Variants in ATP8B1 observed in about 807,000 individuals in gnomAD.
ATP8B1 encodes ATPase phospholipid transporting 8B1, also known as phospholipid-transporting ATPase IC.
Under a neutral mutation model 149.9 loss-of-function variants are expected in ATP8B1, and 80 were observed. That is an observed-to-expected ratio of 0.53 (90% CI 0.45 to 0.64). ATP8B1 has a LOEUF of 0.64. Among genes scored for constraint, ATP8B1 ranks in the 30% least tolerant of loss-of-function variants. ATP8B1 has a pLI of 0.00. For missense variants in ATP8B1, 1,247 were observed against 1,552.6 expected (o/e 0.80, Z 3.31); for synonymous variants, 536 against 562.8 (o/e 0.95, Z 0.67).
intron 1 of ATP8B1, chr18:57,737,785 C>T (rs1266325481): frequency 6.6e-6 from 1 of 152,204 alleles, no homozygotes; most frequent in African/African-American, 2.4e-5. Flanking sequence ...AAGACTGTCT[C>T]CAGCCCTTTG....
intron 13 of ATP8B1, among the ~76,000 whole-genome samples, chr18:57,686,707 C>T (rs1912268784): frequency 6.6e-6 from 1 of 152,168 alleles, no homozygotes; most frequent in South Asian, 2.1e-4. Context: ...GCATGAGCCA[C>T]TGTGCCCGGC....
chr18:57,760,962 C>A (rs2080144907), intron 1 of ATP8B1, among the ~76,000 whole-genome samples: 1 of 151,346 alleles, frequency 6.6e-6, no homozygotes, highest in Non-Finnish European at 1.5e-5. Context: ...GCCCTCCAGC[C>A]TGGGCAACAG....
rs569539310 is a variant in ATP8B1, at chr18:57,679,154, C to T, written c.1631-4132G>A. 6.6e-5 allele frequency among the ~76,000 whole-genome samples: 10 copies of T among 151,614 alleles called. No individual in the cohort carries two copies. The South Asian group carries it at 1.0e-3, about 16-fold the overall frequency. On this transcript the variant is annotated intron_variant, in intron 15 of 27. Coordinates refer to ENST00000648908, the MANE Select transcript of ATP8B1 (RefSeq NM_001374385.1). The stretch of plus-strand genomic sequence containing the variant: ...GCTGAGGCAGGAGAATGCATGAACC[C>T]GGGAGGCAGAGCTTGCAGTGAGCCG...
At chr18:57,753,116 A>T (rs2080038540) in intron 1 of ATP8B1, among the ~76,000 whole-genome samples, 2 of 152,220 alleles carry the variant, frequency 1.3e-5, no homozygotes, top group African/African-American at 2.4e-5. Context: ...AAAAACCCCG[A>T]TTAAAGAAAA....
chr18:57,766,364 AAGG>A (rs1278451537), intron 1 of ATP8B1, among the ~76,000 whole-genome samples: 1 of 152,154 alleles, frequency 6.6e-6, no homozygotes, highest in Admixed American at 6.5e-5. Flanking sequence ...CCTTTGGAGA[AAGG>A]AGAAGAGATT....
chr18:57,695,767 A>G (rs2122896324), intron 8 of ATP8B1, among the ~76,000 whole-genome samples: 1 of 152,342 alleles, frequency 6.6e-6, no homozygotes, highest in South Asian at 2.1e-4. Flanking sequence ...GTTGTTGTGA[A>G]GGTTAGGACA....
intron 17 of ATP8B1, among the ~76,000 whole-genome samples, chr18:57,669,858 G>C (rs376797943): frequency 1.2e-4 from 18 of 151,976 alleles, no homozygotes; most frequent in African/African-American, 3.9e-4. Context: ...CATCATGCTG[G>C]TCTTGAACTC....
At chr18:57,710,900 G>T (rs530164055) in intron 2 of ATP8B1, among the ~76,000 whole-genome samples, 1 of 152,192 alleles carries the variant, frequency 6.6e-6, no homozygotes, top group Non-Finnish European at 1.5e-5. Flanking sequence ...CTCCCAAAGT[G>T]CCGGGATAAT....
rs147263393 is a variant in ATP8B1 at position 57,756,192 on chromosome 18, C to CATATATATATATATATATATAT, written c.-25-24361_-25-24360insATATATATATATATATATATAT. ...CCTTTAATCTGAAACATTTCCACAACATATATATATATATATATACACACA... is the reference window on the plus strand; with the variant it reads ...CCTTTAATCTGAAACATTTCCACAACATATATATATATATATATATATATATATATATATATATATACACACA... On this transcript the variant is annotated intron_variant, in intron 1 of 27. Coordinates refer to ENST00000648908, the MANE Select transcript of ATP8B1 (RefSeq NM_001374385.1). 3.5e-3 allele frequency among the ~76,000 whole-genome samples: 298 copies of CATATATATATATATATATATAT among 84,598 alleles called. 4 individuals carry two copies. The highest frequency in any genetic ancestry group is 0.013 in the African/African-American group (276 of 21,852). The allele number at this position is 84,598 out of a possible 152,430, so 55.5% of individuals were successfully genotyped here. A position where few individuals can be genotyped will look rare whatever the true frequency, so the allele number is the denominator to read the frequency against.
rs1052245496 is a variant in ATP8B1, at chr18:57,695,469, A to T, written c.762T>A (p.Asp254Glu). Residue 254 changes from aspartate (D) to glutamate (E), a missense_variant, in exon 9 of 28, where the codon GAT (aspartate) becomes GAA (glutamate). Asp to Glu is a conservative substitution (Grantham distance 45). This residue lies in a region of ATP8B1 where 853 missense variants were observed against 1,035.7 expected (regional missense o/e 0.82). Transcript: ENST00000648908. ...EITDQYLQRE[D>E]TLATFDGFIE... The stretch of plus-strand genomic sequence containing the variant: ...ACAAACCATCAAATGTAGCCAATGT[A>T]TCTTCTCTTTGGAGGTACTGGTCTG... 8 of 1,612,550 alleles carry T rather than the reference A, an allele frequency of 5.0e-6. No individual in the cohort carries two copies. The highest frequency in any genetic ancestry group is 1.7e-5 in the Admixed American group (1 of 59,992).
In ATP8B1 at chr18:57,648,450, C is replaced by T. The variant is rs1307270283; in HGVS notation, c.*38G>A. On this transcript the variant is annotated 3_prime_UTR_variant, in exon 28 of 28. Coordinates refer to ENST00000648908, the MANE Select transcript of ATP8B1 (RefSeq NM_001374385.1). ...TGAGAGTCTTTCATAAAAAAATAGA[C>T]GTGCTTTGTGGCCGCATCCCAGCCT... 4 of 1,602,850 alleles carry T rather than the reference C, an allele frequency of 2.5e-6. No homozygotes were observed. The East Asian group carries it at 8.9e-5, about 36-fold the overall frequency.
At chr18:57,740,484 C>T (rs1333869393) in intron 1 of ATP8B1, 1 of 151,912 alleles carries the variant, frequency 6.6e-6, no homozygotes. Context: ...AAGATGGCCC[C>T]CAGTGATCCC....
chr18:57,697,523 A>G (rs1384976581), intron 8 of ATP8B1, 95 bp downstream of exon 8: 4 of 1,332,988 alleles, frequency 3.0e-6, no homozygotes, highest in Non-Finnish European at 4.3e-6. Context: ...GCAAGGCCAG[A>G]TATCAAGCCG....
At chr18:57,696,230 T>A (rs906783290) in intron 8 of ATP8B1, among the ~76,000 whole-genome samples, 3 of 152,198 alleles carry the variant, frequency 2.0e-5, no homozygotes, top group Non-Finnish European at 2.9e-5. Context: ...AGCTTTAGAA[T>A]CTCTCATGGA....
rs537047311 is a variant in ATP8B1, at chr18:57,668,835, T to A, written c.2098-295A>T. 623 of 364,876 alleles carry A rather than the reference T, an allele frequency of 1.7e-3. 1 individual carries two copies. The highest frequency in any genetic ancestry group is 2.5e-3 in the Non-Finnish European group (510 of 203,426). 22.6% of individuals were successfully genotyped at this position (364,876 alleles called of 1,614,324 possible). A position where few individuals can be genotyped will look rare whatever the true frequency, so the allele number is the denominator to read the frequency against. ...ACACTTTTCTTGTGTATTTGTGGCT[T>A]TATACTGACATAAACCGTAAACCAG... On this transcript the variant is annotated intron_variant, in intron 18 of 27. Transcript: ENST00000648908.
At chr18:57,700,500 A>C (rs1391776787) in intron 6 of ATP8B1, among the ~76,000 whole-genome samples, 1 of 152,218 alleles carries the variant, frequency 6.6e-6, no homozygotes, top group East Asian at 1.9e-4. Context: ...AACTTTTAAA[A>C]GTGTTGATAT....
In ATP8B1 at chr18:57,731,942, T is replaced by G. The variant is rs2079769905; in HGVS notation, c.-25-110A>C. 5 of 1,051,638 alleles carry G rather than the reference T, an allele frequency of 4.8e-6. No homozygotes were observed. The African/African-American group carries it at 7.8e-5, about 16-fold the overall frequency. 65.1% of individuals were successfully genotyped at this position (1,051,638 alleles called of 1,614,324 possible). On this transcript the variant is annotated intron_variant, in intron 1 of 27. Coordinates refer to ENST00000648908, the MANE Select transcript of ATP8B1 (RefSeq NM_001374385.1). ...CTTTTACAGAACATTGTCTAACATG[T>G]AAATATTCTGGAATAGTACCCCCAA... is the stretch of plus-strand genomic sequence containing the variant.
chr18:57,714,857 A>G (rs1913927935), intron 2 of ATP8B1, among the ~76,000 whole-genome samples: 1 of 152,220 alleles, frequency 6.6e-6, no homozygotes, highest in African/African-American at 2.4e-5. Context: ...GAGAGCTACA[A>G]TAAATATCTA....
intron 1 of ATP8B1, among the ~76,000 whole-genome samples, chr18:57,750,706 A>AC (rs1181809773): frequency 6.6e-6 from 1 of 152,240 alleles, no homozygotes; most frequent in Admixed American, 6.5e-5. Flanking sequence ...AGACGTGTCT[A>AC]CAGTGAATTT....
Sources: allele counts gnomAD v4.1 joint callset (sites outside exome capture counted in the v4.1 genomes callset), GRCh38; gene constraint gnomAD v4.1.1; regional missense constraint gnomAD v4.1.1; transcripts MANE v1.5; gene names NCBI Gene and HGNC (gene_info 2026-07-23, HGNC 2026-07-21).